The following DCAF8L2 variants were observed in gnomAD, a reference collection of about 807,000 sequenced individuals.
DCAF8L2 encodes DDB1 and CUL4 associated factor 8 like 2.
For missense variants in DCAF8L2, 430 were observed against 490.7 expected (o/e 0.88, Z 1.17); for synonymous variants, 200 against 190.9 (o/e 1.05, Z -0.39).
At chrX:27,540,015 C>G in the DCAF8L2 span, among the ~76,000 whole-genome samples, 1 of 110,395 alleles carries the variant, frequency 9.1e-6, no homozygotes, top group Admixed American at 9.7e-5. Flanking sequence ...CAGAATTAAT[C>G]AGCTGTGCTA....
chrX:27,625,732 A>C (rs1312313268), intron 1 of DCAF8L2, among the ~76,000 whole-genome samples: 1 of 111,931 alleles, frequency 8.9e-6, no homozygotes, highest in Non-Finnish European at 1.9e-5. Flanking sequence ...GCTGGAGGCT[A>C]TTATCCTAAG....
intron 1 of DCAF8L2, among the ~76,000 whole-genome samples, chrX:27,598,197 T>G (rs1167569326): frequency 1.8e-5 from 2 of 112,627 alleles, no homozygotes; most frequent in Admixed American, 9.4e-5. Flanking sequence ...CAATATACTT[T>G]GGCTGAAAAA....
the DCAF8L2 span, among the ~76,000 whole-genome samples, chrX:27,521,177 C>T: frequency 1.8e-5 from 2 of 112,154 alleles, no homozygotes; most frequent in African/African-American, 6.5e-5. Flanking sequence ...ATGGCCATTA[C>T]CACCATGTGA....
upstream of DCAF8L2, among the ~76,000 whole-genome samples, chrX:27,587,984 AAATATATATATATATAT>A (rs1228994016): frequency 3.1e-5 from 2 of 65,171 alleles, no homozygotes; most frequent in Non-Finnish European, 5.3e-5. Flanking sequence ...TTAAAAAAAA[AAATATATATATATATAT>A]ATATATATAT....
At chrX:27,711,419 G>A (rs1367267614) in intron 3 of DCAF8L2, among the ~76,000 whole-genome samples, 2 of 105,324 alleles carry the variant, frequency 1.9e-5, no homozygotes, top group African/African-American at 3.6e-5. Context: ...GTGTGTGTGT[G>A]TGTGTATTAT....
chrX:27,614,967 G>A (rs1211345200), intron 1 of DCAF8L2, among the ~76,000 whole-genome samples: 1 of 110,878 alleles, frequency 9.0e-6, no homozygotes, highest in Non-Finnish European at 1.9e-5. Context: ...GATACAAAAG[G>A]CTGCTAGCTT....
At chrX:27,531,803 T>G in the DCAF8L2 span, among the ~76,000 whole-genome samples, 1 of 111,491 alleles carries the variant, frequency 9.0e-6, no homozygotes, top group Non-Finnish European at 1.9e-5. Flanking sequence ...AATGGGAGGC[T>G]TATTTTCAAG....
intron 3 of DCAF8L2, among the ~76,000 whole-genome samples, chrX:27,680,401 G>A (rs1040895077): frequency 8.9e-6 from 1 of 112,314 alleles, no homozygotes; most frequent in Non-Finnish European, 1.9e-5. Context: ...TAAAGTAAGC[G>A]TGAGTATGAA....
the DCAF8L2 span, among the ~76,000 whole-genome samples, chrX:27,565,234 C>T: frequency 8.1e-5 from 9 of 110,437 alleles, no homozygotes; most frequent in African/African-American, 3.0e-4. Context: ...CCTTCTATGC[C>T]TACTTTGTTG....
At chrX:27,694,789 T>C (rs16997882) in intron 3 of DCAF8L2, among the ~76,000 whole-genome samples, 5,517 of 111,653 alleles carry the variant, frequency 0.049, 324 homozygotes, top group African/African-American at 0.17. Flanking sequence ...TTGGAGATAG[T>C]CATATACATT....
the DCAF8L2 span, among the ~76,000 whole-genome samples, chrX:27,488,543 G>A: frequency 6.3e-5 from 5 of 79,256 alleles, no homozygotes; most frequent in African/African-American, 2.6e-4. Context: ...GTGTGTGTGT[G>A]TGTGTGTGTG....
chrX:27,587,202 C>T (rs1472134550), upstream of DCAF8L2, among the ~76,000 whole-genome samples: 1 of 111,308 alleles, frequency 9.0e-6, no homozygotes, highest in Non-Finnish European at 1.9e-5. Context: ...TACATAGTTA[C>T]ATTTAAAGAA....
the DCAF8L2 span, among the ~76,000 whole-genome samples, chrX:27,487,225 A>G: frequency 1.8e-5 from 2 of 111,128 alleles, no homozygotes; most frequent in African/African-American, 6.5e-5. Context: ...CTTGCTATTG[A>G]CAAGGACAAT....
At chrX:27,612,287 G>T (rs1927223257) in intron 1 of DCAF8L2, among the ~76,000 whole-genome samples, 1 of 111,435 alleles carries the variant, frequency 9.0e-6, no homozygotes, top group African/African-American at 3.3e-5. Context: ...CTTTTTGATG[G>T]GGTTATTTGA....
At chrX:27,609,314 T>C (rs1267327844) in intron 1 of DCAF8L2, among the ~76,000 whole-genome samples, 1 of 111,421 alleles carries the variant, frequency 9.0e-6, no homozygotes, top group Non-Finnish European at 1.9e-5. Flanking sequence ...TGGGAAAAGA[T>C]TTGACTTTCC....
At chrX:27,643,048 C>T (rs747389303) in intron 2 of DCAF8L2, among the ~76,000 whole-genome samples, 2 of 111,847 alleles carry the variant, frequency 1.8e-5, no homozygotes, top group East Asian at 2.8e-4. Flanking sequence ...AGAATGGTGT[C>T]GATATCTCTT....
the DCAF8L2 span, among the ~76,000 whole-genome samples, chrX:27,542,391 AT>A: frequency 4.5e-5 from 5 of 110,690 alleles, no homozygotes; most frequent in African/African-American, 1.6e-4. Context: ...AATAATAGCC[AT>A]TCTCACTGGT....
chrX:27,658,548 C>G (rs1249381728), intron 2 of DCAF8L2, among the ~76,000 whole-genome samples: 2 of 112,306 alleles, frequency 1.8e-5, no homozygotes, highest in Non-Finnish European at 3.8e-5. Context: ...TGGTCCACTT[C>G]CCCTATCTCA....
the DCAF8L2 span, among the ~76,000 whole-genome samples, chrX:27,550,103 A>G: frequency 0.096 from 10,700 of 111,745 alleles, 407 homozygotes; most frequent in Non-Finnish European, 0.12. Context: ...GATAATTAGC[A>G]TCAGGAATGG....
Sources: allele counts gnomAD v4.1 joint callset (sites outside exome capture counted in the v4.1 genomes callset), GRCh38; gene constraint gnomAD v4.1.1; transcripts MANE v1.5; gene names NCBI Gene and HGNC (gene_info 2026-07-23, HGNC 2026-07-21).